CTSH: variants seen among roughly 807,000 people sequenced by gnomAD.
CTSH encodes the protein pro-cathepsin H.
A neutral mutation model predicts 56.3 loss-of-function variants in CTSH; 52 were observed. The ratio of observed to expected loss-of-function variants is 0.92; its 90% CI spans 0.74 to 1.16. CTSH has a LOEUF of 1.16. CTSH is among the 50% of genes most tolerant of loss of function. The pLI, the probability that CTSH is intolerant of heterozygous loss-of-function variation, is 0.00. For synonymous variants in CTSH, 174 were observed against 155.7 expected (o/e 1.12, Z -0.88); for missense variants, 406 against 424.5 (o/e 0.96, Z 0.38).
At chr15:78,937,157 T>TACACAGAG (rs753442577) in intron 3 of CTSH, 161 bp downstream of exon 3, 9 of 626,408 alleles carry the variant, frequency 1.4e-5, no homozygotes, top group Non-Finnish European at 2.3e-5. Context: ...GATCCCACAT[T>TACACAGAG]ACACAGAGAG....
At chr15:78,926,251 C>T (rs2054901818) in intron 9 of CTSH, 1 of 152,372 alleles carries the variant, frequency 6.6e-6, no homozygotes, top group Non-Finnish European at 1.5e-5. Context: ...TCAGTCCTGC[C>T]TCCCTAGAGG....
At chr15:78,925,660 T>A (rs2054888554) in intron 9 of CTSH, 1 of 484,522 alleles carries the variant, frequency 2.1e-6, no homozygotes, top group Non-Finnish European at 3.8e-6. Context: ...CCCTGCACCC[T>A]CTGAGATAGG....
At chr15:78,932,241 A>G (rs2055077061) in intron 6 of CTSH, 131 bp downstream of exon 6, 5 of 867,428 alleles carry the variant, frequency 5.8e-6, no homozygotes, top group Non-Finnish European at 8.9e-6. Flanking sequence ...AGATGTCCAC[A>G]AGGCTGGGGC....
intron 2 of CTSH, chr15:78,937,911 G>A: frequency 4.8e-6 from 4 of 836,666 alleles, no homozygotes; most frequent in Non-Finnish European, 1.7e-6. Flanking sequence ...TTCATATAAT[G>A]TGTAATAATC....
In CTSH at chr15:78,944,879, C is replaced by A; in HGVS notation, c.91+12G>T. 1 of 1,545,468 alleles carries A rather than the reference C, an allele frequency of 6.5e-7. No homozygotes were observed. The highest frequency in any genetic ancestry group is 8.7e-7 in the Non-Finnish European group (1 of 1,144,096). On this transcript the variant is annotated intron_variant, in intron 1 of 11. Coordinates refer to ENST00000220166, the MANE Select transcript of CTSH (RefSeq NM_004390.5). ...TGCTAGCACCCTCTCGGGCGGCGCGCCCTCTGCGTACCTAAGGAGTTCACG... is the reference window on the plus strand; with the variant it reads ...TGCTAGCACCCTCTCGGGCGGCGCGACCTCTGCGTACCTAAGGAGTTCACG...
rs71148579 is a variant in CTSH, at chr15:78,924,096, CGGGG to C, written c.807-982_807-979del. Among the ~76,000 whole-genome samples, 24 of 26,200 alleles carry C rather than the reference CGGGG, an allele frequency of 9.2e-4. 1 individual carries two copies. The highest frequency in any genetic ancestry group is 2.5e-3 in the African/African-American group (19 of 7,698). The allele number at this position is 26,200 out of a possible 152,430, so 17.2% of individuals were successfully genotyped here. On this transcript the variant is annotated intron_variant, in intron 10 of 11. Coordinates refer to ENST00000220166, the MANE Select transcript of CTSH (RefSeq NM_004390.5). ...AGGAGGTGGGGGGGATCCAACCCAG[CGGGG>C]GGGGGGGGGAGGGTGGGCAGGGTGG... is the stretch of plus-strand genomic sequence containing the variant.
At chr15:78,923,215 G>A in intron 10 of CTSH, 97 bp from the exon 11 acceptor site, 4 of 1,380,520 alleles carry the variant, frequency 2.9e-6, no homozygotes, top group South Asian at 1.2e-5. Context: ...TTAGAGCAAT[G>A]TTCCCCACAG....
At chr15:78,943,173 C>T (rs532594958) in intron 1 of CTSH, among the ~76,000 whole-genome samples, 10 of 152,278 alleles carry the variant, frequency 6.6e-5, no homozygotes, top group African/African-American at 2.2e-4. Context: ...AGATCCATTC[C>T]AATCTAGTCA....
chr15:78,944,578 G>A (rs922361730), intron 1 of CTSH: 5 of 295,160 alleles, frequency 1.7e-5, no homozygotes, highest in Middle Eastern at 9.0e-4. Flanking sequence ...GTGACACTCT[G>A]TGTCCCCAGT....
At chr15:78,940,927 C>G (rs1412571779) in intron 1 of CTSH, among the ~76,000 whole-genome samples, 1 of 151,962 alleles carries the variant, frequency 6.6e-6, no homozygotes, top group Non-Finnish European at 1.5e-5. Flanking sequence ...CCACTGCACC[C>G]CAGCCTGGGT....
chr15:78,934,370 C>T (rs2055128764), intron 5 of CTSH, among the ~76,000 whole-genome samples: 2 of 152,174 alleles, frequency 1.3e-5, no homozygotes, highest in Admixed American at 6.5e-5. Flanking sequence ...GGGGAGGGGC[C>T]GCAGCAGGCC....
At chr15:78,925,692 C>G (rs560405398) in intron 9 of CTSH, 1 of 410,476 alleles carries the variant, frequency 2.4e-6, no homozygotes, top group East Asian at 5.0e-5. Flanking sequence ...ACAGCGTGGA[C>G]CTACTCATTC....
chr15:78,922,185 C>A lies in CTSH; in HGVS notation c.953G>T (p.Gly318Val). ...GGCAGCCAGGCCACACATGTTCTTT[C>A]CGCGCTCGATGAGGAAGTACCTGGG... ...GMNGYFLIERGKNMCGLAACA... is the reference protein window; with the variant it reads ...GMNGYFLIERVKNMCGLAACA... Residue 318 changes from glycine (G) to valine (V), a missense_variant, in exon 12 of 12, where the codon GGA becomes GTA. By Grantham distance (109) the Gly-to-Val change is moderately radical. Coordinates refer to ENST00000220166, the MANE Select transcript of CTSH (RefSeq NM_004390.5). 1 of 1,582,604 alleles carries A rather than the reference C, an allele frequency of 6.3e-7. No individual in the cohort carries two copies. The highest frequency in any genetic ancestry group is 1.3e-5 in the African/African-American group (1 of 74,576).
chr15:78,936,011 G>T (rs2055166610), intron 3 of CTSH, among the ~76,000 whole-genome samples: 1 of 151,978 alleles, frequency 6.6e-6, no homozygotes, highest in African/African-American at 2.4e-5. Flanking sequence ...GTTGGTCTGG[G>T]GTGGGGCCTG....
Position 78,921,476 on chromosome 15 carries a change from CAG to C in CTSH, c.*652_*653del, listed in dbSNP as rs934711089. The C allele has an allele frequency of 8.5e-5, 13 of 152,442 alleles. No individual in the cohort carries two copies. Among genetic ancestry groups the C allele is most frequent in the Middle Eastern group, 6.8e-3 (2 of 296 alleles). The allele number at this position is 152,442 out of a possible 1,614,324, so 9.4% of individuals were successfully genotyped here. A position where few individuals can be genotyped will look rare whatever the true frequency, so the allele number is the denominator to read the frequency against. ...GGCAGCTGAGACTGGGGAGGCCACA[CAG>C]AGAAGTACAGGCTTCTGGGCTGACA... On this transcript the variant is annotated 3_prime_UTR_variant, in exon 12 of 12. Transcript: ENST00000220166.
chr15:78,924,329 G>A (rs1442755546), intron 10 of CTSH, among the ~76,000 whole-genome samples: 1 of 152,140 alleles, frequency 6.6e-6, no homozygotes, highest in Non-Finnish European at 1.5e-5. Context: ...TTCAAAGGTT[G>A]GCGTTGGCAA....
rs755226104 is a variant in CTSH, at chr15:78,923,020, G to A, written c.905C>T (p.Ser302Phe). 31 of 1,612,538 alleles carry A rather than the reference G, an allele frequency of 1.9e-5. 1 individual carries two copies. In the East Asian group the frequency reaches 6.5e-4, roughly 34 times the overall value. ...GTTCATTCCCCACTGGGGACCCCAA[G>A]AGTTTTTCACGATCCAGTAAGGGAT... ...NGIPYWIVKN[S>F]WGPQWGMNGY... Residue 302 changes from serine to phenylalanine, a missense_variant, in exon 11 of 12, where the codon TCT (serine) becomes TTT (phenylalanine). Ser to Phe is a radical substitution (Grantham distance 155, BLOSUM62 -2). Coordinates refer to ENST00000220166, the MANE Select transcript of CTSH (RefSeq NM_004390.5).
intron 9 of CTSH, 136 bp from the exon 10 acceptor site, chr15:78,925,576 T>A: frequency 1.6e-6 from 1 of 611,780 alleles, no homozygotes; most frequent in East Asian, 3.0e-5. Flanking sequence ...CCCTGCGGCC[T>A]CTCTCCCTTC....
intron 3 of CTSH, among the ~76,000 whole-genome samples, chr15:78,936,613 C>T (rs1480633730): frequency 6.6e-5 from 10 of 151,744 alleles, no homozygotes; most frequent in East Asian, 1.9e-4. Context: ...TCAGAAAATA[C>T]GCTGGACGTG....
Sources: gnomAD v4.1 joint callset for allele counts (sites outside exome capture counted in the v4.1 genomes callset) on GRCh38, gnomAD v4.1.1 for gene constraint, MANE v1.5 for transcripts, NCBI Gene and HGNC (gene_info 2026-07-23, HGNC 2026-07-21) for gene names.